Variants in IFT122 observed in about 807,000 individuals in gnomAD.
The protein encoded by IFT122 is intraflagellar transport protein 122 homolog.
Under a neutral mutation model 161.6 loss-of-function variants are expected in IFT122, and 118 were observed. The observed-to-expected ratio is 0.73, with a 90% CI of 0.63 to 0.85. IFT122 has a LOEUF of 0.85. Ranked by LOEUF, IFT122 falls within the 40% of genes least tolerant of loss-of-function variation. IFT122 has a pLI of 0.00. For synonymous variants in IFT122, 550 were observed against 602.4 expected (o/e 0.91, Z 1.27); for missense variants, 1,381 against 1,579.6 (o/e 0.87, Z 2.13).
chr3:129,499,704 C>T (rs1385701492), intron 18 of IFT122, among the ~76,000 whole-genome samples, 198 bp from the exon 19 acceptor site: 1 of 152,196 alleles, frequency 6.6e-6, no homozygotes, highest in African/African-American at 2.4e-5. Flanking sequence ...CCCCCAGGAA[C>T]ACCTGCAGGG....
chr3:129,468,854 G>A (rs1018497365), intron 8 of IFT122, among the ~76,000 whole-genome samples: 2 of 152,210 alleles, frequency 1.3e-5, no homozygotes, highest in East Asian at 1.9e-4. Flanking sequence ...AAGGACCCCC[G>A]CCTGCAGGAG....
At chr3:129,502,640 A>G (rs1352022079) in intron 19 of IFT122, 71 bp from the exon 20 acceptor site, 1 of 1,559,608 alleles carries the variant, frequency 6.4e-7, no homozygotes, top group Non-Finnish European at 8.7e-7. Flanking sequence ...GGACCACAGA[A>G]TGAATGGACA....
chr3:129,458,650 C>CA lies in IFT122; in HGVS notation c.249dup (p.Leu84ThrfsTer11). ...GACAAAAGCGTTATTATCTGGACAT[C>CA]AAAACTGGAAGGCATTCTGAAGTAC... On this transcript the variant is annotated frameshift_variant, in exon 4 of 30. Coordinates refer to ENST00000348417, the MANE Select transcript of IFT122 (RefSeq NM_052989.3). LOFTEE classifies it high-confidence loss of function. The CA allele has an allele frequency of 6.2e-7, 1 of 1,613,886 alleles. No homozygotes were observed. Among genetic ancestry groups the CA allele is most frequent in the Non-Finnish European group, 8.5e-7 (1 of 1,179,776 alleles).
chr3:129,515,214 C>G, intron 25 of IFT122: 1 of 574,614 alleles, frequency 1.7e-6, no homozygotes, highest in Non-Finnish European at 3.2e-6. Flanking sequence ...GCAGCGGCCA[C>G]TGTCATTCCT....
chr3:129,519,643 A>C lies in IFT122; in HGVS notation c.3547A>C (p.Ile1183Leu). ...CTCCATGAGCCGCCGGGATGTCCTC[A>C]TCAAGCGATGGCCCCCACCCCTGAG... ...LRSMSRRDVL[I>L]KRWPPPLRWQ... The change falls in exon 29 of 30, where the codon ATC (isoleucine) becomes CTC (leucine). Residue 1183 changes from isoleucine to leucine, a missense_variant. By Grantham distance (5) the Ile-to-Leu change is conservative (BLOSUM62 2). Coordinates refer to ENST00000348417, the MANE Select transcript of IFT122 (RefSeq NM_052989.3). The C allele has an allele frequency of 6.2e-7, 1 of 1,613,652 alleles. No homozygotes were observed. Among genetic ancestry groups the C allele is most frequent in the Non-Finnish European group, 8.5e-7 (1 of 1,179,994 alleles).
chr3:129,493,727 G>A (rs2080442082), intron 17 of IFT122, among the ~76,000 whole-genome samples: 1 of 152,220 alleles, frequency 6.6e-6, no homozygotes, highest in South Asian at 2.1e-4. Context: ...CAGTGCTGCT[G>A]ACTTTCACTT....
At chr3:129,516,963 TACAC>T (rs200395338) in intron 26 of IFT122, among the ~76,000 whole-genome samples, 11 of 72,782 alleles carry the variant, frequency 1.5e-4, no homozygotes, top group Admixed American at 3.3e-4. Context: ...AGACTGCCCC[TACAC>T]ACACACACAC....
intron 29 of IFT122, among the ~76,000 whole-genome samples, 194 bp from the exon 30 acceptor site, chr3:129,519,982 C>G (rs1044472518): frequency 6.6e-6 from 1 of 152,184 alleles, no homozygotes; most frequent in Non-Finnish European, 1.5e-5. Flanking sequence ...CCTTGACCTT[C>G]ACTCAGAAAA....
At chr3:129,494,782 C>T (rs113695838) in intron 17 of IFT122, among the ~76,000 whole-genome samples, 3,755 of 151,590 alleles carry the variant, frequency 0.025, 69 homozygotes, top group Non-Finnish European at 0.033. Context: ...GACAGAACTG[C>T]GTCCAAATTC....
At chr3:129,447,589 TGCAAC>T (rs1559831510) in intron 1 of IFT122, among the ~76,000 whole-genome samples, 3 of 152,208 alleles carry the variant, frequency 2.0e-5, no homozygotes, top group Non-Finnish European at 4.4e-5. Flanking sequence ...CTCGGCTCAC[TGCAAC>T]CTCTGTCTCC....
In IFT122 at chr3:129,453,057, T is replaced by C. The variant is rs547101760; in HGVS notation, c.193+1059T>C. Among the ~76,000 whole-genome samples the C allele has an allele frequency of 6.6e-5, 10 of 152,170 alleles. No individual in the cohort carries two copies. The East Asian group carries it at 1.9e-3, about 29-fold the overall frequency. On this transcript the variant is annotated intron_variant, in intron 3 of 29. Coordinates refer to ENST00000348417, the MANE Select transcript of IFT122 (RefSeq NM_052989.3). ...GAAAAGACTGCAGGTAGAGAAAAGTTATGGTTGAAGATCAGAAATTCAGTT... is the reference window on the plus strand; with the variant it reads ...GAAAAGACTGCAGGTAGAGAAAAGTCATGGTTGAAGATCAGAAATTCAGTT...
intron 25 of IFT122, chr3:129,515,159 G>A (rs2083330835): frequency 2.1e-6 from 1 of 480,846 alleles, no homozygotes; most frequent in Non-Finnish European, 3.8e-6. Flanking sequence ...TAGTCCACGT[G>A]CTCCGCACGG....
intron 17 of IFT122, 116 bp from the exon 18 acceptor site, chr3:129,495,330 A>G (rs1577891144): frequency 1.4e-6 from 2 of 1,407,606 alleles, no homozygotes. Flanking sequence ...AGCCAAGCCC[A>G]GGTTCCAGTA....
chr3:129,485,679 A>C (rs2079188795), intron 15 of IFT122, among the ~76,000 whole-genome samples: 1 of 152,240 alleles, frequency 6.6e-6, no homozygotes, highest in South Asian at 2.1e-4. Flanking sequence ...TCCTGACCTC[A>C]AAAATAAATG....
At chr3:129,462,624 G>A (rs113777977) in intron 5 of IFT122, among the ~76,000 whole-genome samples, 3 of 152,218 alleles carry the variant, frequency 2.0e-5, no homozygotes, top group Non-Finnish European at 2.9e-5. Flanking sequence ...ATGTGCACAC[G>A]TCAAAATGTT....
At chr3:129,478,531 T>G (rs1216276953) in intron 12 of IFT122, among the ~76,000 whole-genome samples, 1 of 152,220 alleles carries the variant, frequency 6.6e-6, no homozygotes, top group African/African-American at 2.4e-5. Flanking sequence ...TATGGCTCAC[T>G]GCAGCTTTGA....
In IFT122 at chr3:129,492,819, T is replaced by TC. The variant is rs1445745592; in HGVS notation, c.2046+625_2046+626insC. Among the ~76,000 whole-genome samples the TC allele has an allele frequency of 8.2e-4, 123 of 149,784 alleles. 1 individual carries two copies. The highest frequency in any genetic ancestry group is 1.5e-3 in the Admixed American group (23 of 15,132). On this transcript the variant is annotated intron_variant, in intron 17 of 29. Transcript: ENST00000348417. ...GTCAACACTATGCTTTTTTTTTCTT[T>TC]TTTTTTTTTTTTTTTCTGAAACAAG...
chr3:129,459,750 TTC>T (rs1417044459), intron 4 of IFT122, among the ~76,000 whole-genome samples: 4 of 132,376 alleles, frequency 3.0e-5, no homozygotes, highest in African/African-American at 8.9e-5. Context: ...CCCTTCTTCC[TTC>T]CTTCCTTCCT....
chr3:129,491,275 A>G (rs1012624701), intron 16 of IFT122, among the ~76,000 whole-genome samples: 9 of 152,224 alleles, frequency 5.9e-5, no homozygotes, highest in African/African-American at 9.6e-5. Context: ...CTGCGTGTTC[A>G]GTTCAAAGGG....
Sources: allele counts gnomAD v4.1 joint callset (sites outside exome capture counted in the v4.1 genomes callset), GRCh38; gene constraint gnomAD v4.1.1; transcripts MANE v1.5; gene names NCBI Gene and HGNC (gene_info 2026-07-23, HGNC 2026-07-21).